The following FAM168B variants were observed in gnomAD, a reference collection of about 807,000 sequenced individuals.
FAM168B encodes myelin-associated neurite-outgrowth inhibitor.
FAM168B carries 19 observed loss-of-function variants against 21.8 expected under a neutral mutation model. That is an observed-to-expected ratio of 0.87 (90% CI 0.61 to 1.28). The LOEUF (loss-of-function observed/expected upper bound fraction) is 1.28, where lower values mean the gene tolerates loss of function less well. Ranked by LOEUF, FAM168B falls within the 50% of genes most tolerant of loss-of-function variation. The pLI, the probability that FAM168B is intolerant of heterozygous loss-of-function variation, is 0.00. For synonymous variants in FAM168B, 126 were observed against 104.8 expected (o/e 1.20, Z -1.24); for missense variants, 233 against 263.1 (o/e 0.89, Z 0.79).
intron 3 of FAM168B, among the ~76,000 whole-genome samples, chr2:131,056,335 C>G (rs902289118): frequency 6.6e-6 from 1 of 152,064 alleles, no homozygotes; most frequent in African/African-American, 2.4e-5. Flanking sequence ...TAAAACTCAC[C>G]AAGAATGGAA....
intron 3 of FAM168B, among the ~76,000 whole-genome samples, chr2:131,068,228 G>A (rs1558965589): frequency 6.6e-6 from 1 of 152,068 alleles, no homozygotes; most frequent in Non-Finnish European, 1.5e-5. Flanking sequence ...GTGCGATTTT[G>A]GCTCACTGCA....
At chr2:131,055,223 C>A in intron 5 of FAM168B, 49 bp downstream of exon 5, 1 of 1,422,228 alleles carries the variant, frequency 7.0e-7, no homozygotes, top group Admixed American at 2.8e-5. Flanking sequence ...TCCCCTCCCC[C>A]AGCTCTAGGG....
chr2:131,049,618 G>A lies in FAM168B; in HGVS notation c.*2847C>T, dbSNP rs1691525017. ...TGCAGCGGCTGAACACACTCCCCAA[G>A]CCTCAGGGGAGAAGGTGTAGAACAA... On this transcript the variant is annotated 3_prime_UTR_variant, in exon 7 of 7. Transcript: ENST00000389915. 1.0e-6 allele frequency: 1 copy of A among 985,516 alleles called. No individual in the cohort carries two copies. Among genetic ancestry groups the A allele is most frequent in the African/African-American group, 1.7e-5 (1 of 57,346 alleles). The allele number at this position is 985,516 out of a possible 1,614,324, so 61.0% of individuals were successfully genotyped here. A position where few individuals can be genotyped will look rare whatever the true frequency, so the allele number is the denominator to read the frequency against.
At chr2:131,069,626 T>TGGGA (rs1175707678) in intron 3 of FAM168B, among the ~76,000 whole-genome samples, 1 of 150,418 alleles carries the variant, frequency 6.6e-6, no homozygotes, top group South Asian at 2.1e-4. Flanking sequence ...CTGGAGTAGC[T>TGGGA]GGGACTACAG....
chr2:131,092,914 G>C (rs938354209), intron 1 of FAM168B, among the ~76,000 whole-genome samples: 2 of 152,062 alleles, frequency 1.3e-5, no homozygotes, highest in South Asian at 4.1e-4. Flanking sequence ...TTTCACGCTC[G>C]CATTCCTGAC....
At chr2:131,076,050 G>A (rs149005386) in intron 2 of FAM168B, among the ~76,000 whole-genome samples, 5,034 of 152,126 alleles carry the variant, frequency 0.033, 119 homozygotes, top group Middle Eastern at 0.12. Flanking sequence ...ATCTCCAATG[G>A]TTTCTACCTG....
At chr2:131,088,273 T>C (rs184566079) in intron 1 of FAM168B, among the ~76,000 whole-genome samples, 1 of 152,018 alleles carries the variant, frequency 6.6e-6, no homozygotes, top group East Asian at 1.9e-4. Context: ...AATGGAGCCT[T>C]TACATCTAAC....
chr2:131,093,449 G>C lies in FAM168B; in HGVS notation c.-247C>G, dbSNP rs1694143888. ...TCCCCGCCGACGCTGCGCAGCCACC[G>C]GAGCCGCCGACCTCACTTCCGCCTG... On this transcript the variant is annotated 5_prime_UTR_variant, in exon 1 of 7. Coordinates refer to ENST00000389915, the MANE Select transcript of FAM168B (RefSeq NM_001009993.4). 1 of 151,072 alleles carries C rather than the reference G, an allele frequency of 6.6e-6. No homozygotes were observed. Among genetic ancestry groups the C allele is most frequent in the South Asian group, 2.1e-4 (1 of 4,842 alleles). The allele number at this position is 151,072 out of a possible 1,614,324, so 9.4% of individuals were successfully genotyped here.
At chr2:131,086,160 G>C (rs1316673354) in intron 1 of FAM168B, among the ~76,000 whole-genome samples, 1 of 152,182 alleles carries the variant, frequency 6.6e-6, no homozygotes. Flanking sequence ...CTGCAACCAA[G>C]AAATTGTGGG....
chr2:131,069,709 G>A (rs1014362367), intron 3 of FAM168B, among the ~76,000 whole-genome samples: 1 of 152,052 alleles, frequency 6.6e-6, no homozygotes, highest in Non-Finnish European at 1.5e-5. Flanking sequence ...TAGCCAGGAT[G>A]GTCTCGATCT....
Position 131,050,698 on chromosome 2 carries a change from C to T in FAM168B, c.*1767G>A. On this transcript the variant is annotated 3_prime_UTR_variant, in exon 7 of 7. Coordinates refer to ENST00000389915, the MANE Select transcript of FAM168B (RefSeq NM_001009993.4). ...GTACTTACTATAAAAAATAAGGTTA[C>T]CAAAGGCTCAGTGGTCAGGTGTCCC... 1.0e-6 allele frequency: 1 copy of T among 985,366 alleles called. No homozygotes were observed. Among genetic ancestry groups the T allele is most frequent in the Non-Finnish European group, 1.2e-6 (1 of 829,918 alleles). 61.0% of individuals were successfully genotyped at this position (985,366 alleles called of 1,614,324 possible). A position where few individuals can be genotyped will look rare whatever the true frequency, so the allele number is the denominator to read the frequency against.
chr2:131,070,161 C>T (rs950067076), intron 3 of FAM168B, among the ~76,000 whole-genome samples: 1 of 152,130 alleles, frequency 6.6e-6, no homozygotes, highest in Admixed American at 6.6e-5. Flanking sequence ...CCAGCCTAAA[C>T]TTTTAAAACC....
rs1363044249 is a variant in FAM168B, at chr2:131,082,569, T to TTACTTA, written c.70+2_70+7dup. 6.3e-7 allele frequency: 1 copy of TTACTTA among 1,588,890 alleles called. No homozygotes were observed. The highest frequency in any genetic ancestry group is 8.6e-7 in the Non-Finnish European group (1 of 1,167,018). ...TTCAAAAATGAAAACAAAATTTTAC[T>TTACTTA]TACTTACCTGGATAACCAATTCCTT... On this transcript the variant is annotated splice_region_variant and intron_variant, in intron 2 of 6. Coordinates refer to ENST00000389915, the MANE Select transcript of FAM168B (RefSeq NM_001009993.4).
At chr2:131,072,266 GGT>G (rs1553453993) in intron 2 of FAM168B, among the ~76,000 whole-genome samples, 2 of 151,742 alleles carry the variant, frequency 1.3e-5, no homozygotes, top group East Asian at 1.9e-4. Flanking sequence ...TGGGATTACA[GGT>G]GTGTGTCACC....
chr2:131,074,827 G>C (rs1693055404), intron 2 of FAM168B, among the ~76,000 whole-genome samples: 1 of 152,102 alleles, frequency 6.6e-6, no homozygotes, highest in South Asian at 2.1e-4. Context: ...CCCTCAGCCT[G>C]GATCCCTTGC....
chr2:131,053,126 G>C (rs1186660226), intron 5 of FAM168B, 111 bp from the exon 6 acceptor site: 4 of 1,390,408 alleles, frequency 2.9e-6, no homozygotes, highest in East Asian at 5.9e-5. Context: ...TACAGGAAGA[G>C]GGATAGTCTT....
chr2:131,092,143 CAAA>C (rs992051589), intron 1 of FAM168B, among the ~76,000 whole-genome samples: 4 of 79,028 alleles, frequency 5.1e-5, no homozygotes, highest in African/African-American at 4.8e-5. Flanking sequence ...GACTCCGTCT[CAAA>C]AAAAAAAAAA....
chr2:131,078,883 G>A (rs1265630096), intron 2 of FAM168B, among the ~76,000 whole-genome samples: 1 of 151,950 alleles, frequency 6.6e-6, no homozygotes, highest in African/African-American at 2.4e-5. Flanking sequence ...CTACTTGGGA[G>A]GCTGAGGCAG....
chr2:131,075,489 C>G (rs1693099839), intron 2 of FAM168B, among the ~76,000 whole-genome samples: 1 of 151,396 alleles, frequency 6.6e-6, no homozygotes, highest in Admixed American at 6.6e-5. Flanking sequence ...TTCCCATCCC[C>G]ACTTTCTTTC....
Sources: allele counts gnomAD v4.1 joint callset (sites outside exome capture counted in the v4.1 genomes callset), GRCh38; gene constraint gnomAD v4.1.1; transcripts MANE v1.5; gene names NCBI Gene and HGNC (gene_info 2026-07-23, HGNC 2026-07-21).